Variants in MSS51 observed in about 807,000 individuals in gnomAD.
MSS51 encodes MSS51 mitochondrial translational activator, also known as putative protein MSS51 homolog, mitochondrial.
A neutral mutation model predicts 40.2 loss-of-function variants in MSS51; 32 were observed. That is an observed-to-expected ratio of 0.80 (90% CI 0.60 to 1.07). The LOEUF (loss-of-function observed/expected upper bound fraction) is 1.07. Among genes scored for constraint, MSS51 ranks in the 50% least tolerant of loss-of-function variants. The pLI is 0.00. For synonymous variants in MSS51, 178 were observed against 214.2 expected (o/e 0.83, Z 1.48); for missense variants, 518 against 568.9 (o/e 0.91, Z 0.91).
chr10:73,427,936 G>A (rs1435260143), intron 2 of MSS51, 128 bp downstream of exon 2: 18 of 1,193,686 alleles, frequency 1.5e-5, no homozygotes, highest in Non-Finnish European at 1.9e-5. Flanking sequence ...TATAGTAACT[G>A]GCAAAAGGAT....
chr10:73,426,906 T>C (rs566246528), intron 3 of MSS51, among the ~76,000 whole-genome samples, 175 bp from the exon 4 acceptor site: 1 of 152,084 alleles, frequency 6.6e-6, no homozygotes, highest in African/African-American at 2.4e-5. Context: ...GCAGGAGGGA[T>C]TGGGAATATA....
chr10:73,426,822 T>G, intron 3 of MSS51, 91 bp from the exon 4 acceptor site: 1 of 1,467,748 alleles, frequency 6.8e-7, no homozygotes, highest in Non-Finnish European at 9.3e-7. Context: ...CCTAGGATGG[T>G]GAATGGGTAA....
chr10:73,426,856 G>T, intron 3 of MSS51, 125 bp from the exon 4 acceptor site: 1 of 1,071,292 alleles, frequency 9.3e-7, no homozygotes, highest in Non-Finnish European at 1.3e-6. Flanking sequence ...AGGAATGAGA[G>T]CTGATGCACC....
At chr10:73,425,713 T>C in intron 5 of MSS51, 98 bp downstream of exon 5, 2 of 1,099,358 alleles carry the variant, frequency 1.8e-6, no homozygotes, top group Non-Finnish European at 2.6e-6. Flanking sequence ...ATATTGTGTT[T>C]AATGAGACCA....
At chr10:73,426,573 A>G in intron 4 of MSS51, 34 bp downstream of exon 4, 1 of 1,613,038 alleles carries the variant, frequency 6.2e-7, no homozygotes, top group Admixed American at 1.7e-5. Flanking sequence ...AACTATGACC[A>G]TTATGGCAGA....
In MSS51 at chr10:73,427,781, C is replaced by A; in HGVS notation, c.222-13G>T. The A allele has an allele frequency of 1.2e-6, 2 of 1,612,408 alleles. No homozygotes were observed. The highest frequency in any genetic ancestry group is 4.5e-5 in the East Asian group (2 of 44,846). On this transcript the variant is annotated splice_polypyrimidine_tract_variant and intron_variant, in intron 2 of 6. Coordinates refer to ENST00000299432, the MANE Select transcript of MSS51 (RefSeq NM_001024593.2). ...ATCTACCACCAACCTGCAGAGACAG[C>A]ATGGAGAAGGAATGACAATGGGGAA...
Position 73,424,769 on chromosome 10 carries a change from A to C in MSS51, c.1167T>G (p.His389Gln). The C allele has an allele frequency of 6.2e-7, 1 of 1,611,940 alleles. No homozygotes were observed. The highest frequency in any genetic ancestry group is 8.5e-7 in the Non-Finnish European group (1 of 1,177,958). ...KIPTLITVYS[H>Q]QELVSSLQIL... ...TCTGCAAAGAGGATACCAACTCCTG[A>C]TGGCTGTAGAAGAGAGAGAAGAAAA... Residue 389 changes from histidine (H) to glutamine (Q), a missense_variant, in exon 7 of 7, where the codon CAT becomes CAG. His to Gln is a conservative substitution (Grantham distance 24, BLOSUM62 0). Transcript: ENST00000299432.
At chr10:73,428,559 C>T (rs1337902425) in intron 1 of MSS51, among the ~76,000 whole-genome samples, 1 of 152,084 alleles carries the variant, frequency 6.6e-6, no homozygotes, top group Non-Finnish European at 1.5e-5. Context: ...GCAGCATAAT[C>T]TCAGCTCACT....
At chr10:73,429,230 A>G (rs1000935773) in intron 1 of MSS51, among the ~76,000 whole-genome samples, 17 of 152,158 alleles carry the variant, frequency 1.1e-4, no homozygotes, top group African/African-American at 4.1e-4. Flanking sequence ...AACTGGTAAC[A>G]GTGATTAACT....
At position 73,424,502 on chromosome 10, in the gene MSS51, G is replaced by A. The variant is rs772436748; in HGVS notation, c.*51C>T. The A allele has an allele frequency of 1.7e-5, 23 of 1,374,220 alleles. No homozygotes were observed. In the African/African-American group the frequency reaches 2.9e-4, roughly 17 times the overall value. 85.1% of individuals were successfully genotyped at this position (1,374,220 alleles called of 1,614,324 possible). A position where few individuals can be genotyped will look rare whatever the true frequency, so the allele number is the denominator to read the frequency against. Reference sequence around the variant, plus strand: ...GTTTGCAAGAACCTGGCATTAGCAGGGTAATTTCATCACAAACTCCCCGTT... The same window carrying A: ...GTTTGCAAGAACCTGGCATTAGCAGAGTAATTTCATCACAAACTCCCCGTT... On this transcript the variant is annotated 3_prime_UTR_variant, in exon 7 of 7. Coordinates refer to ENST00000299432, the MANE Select transcript of MSS51 (RefSeq NM_001024593.2).
At chr10:73,431,008 G>A (rs1286173508) in intron 1 of MSS51, among the ~76,000 whole-genome samples, 1 of 152,152 alleles carries the variant, frequency 6.6e-6, no homozygotes. Flanking sequence ...ATTATACTAA[G>A]TGAAGAAAGC....
At chr10:73,433,112 C>A (rs2056041073) in intron 1 of MSS51, among the ~76,000 whole-genome samples, 1 of 152,056 alleles carries the variant, frequency 6.6e-6, no homozygotes, top group African/African-American at 2.4e-5. Context: ...TCTTGATTGC[C>A]TAGAAAAACT....
chr10:73,425,229 T>A, intron 5 of MSS51, 38 bp from the exon 6 acceptor site: 1 of 1,360,392 alleles, frequency 7.4e-7, no homozygotes, highest in Non-Finnish European at 1.0e-6. Flanking sequence ...AGGGAAAGAC[T>A]AAAGCAGACC....
chr10:73,427,272 C>CTTT (rs1163470061), intron 3 of MSS51, among the ~76,000 whole-genome samples: 203 of 86,082 alleles, frequency 2.4e-3, no homozygotes, highest in East Asian at 3.1e-3. Context: ...AAGGTCATTG[C>CTTT]TTTTTTTTTT....
chr10:73,427,791 G>A, intron 2 of MSS51, 23 bp from the exon 3 acceptor site: 1 of 1,610,838 alleles, frequency 6.2e-7, no homozygotes, highest in Non-Finnish European at 8.5e-7. Context: ...CATGGAGAAG[G>A]AATGACAATG....
chr10:73,425,592 G>A (rs1044983099), intron 5 of MSS51, among the ~76,000 whole-genome samples: 8 of 151,486 alleles, frequency 5.3e-5, no homozygotes, highest in Admixed American at 4.6e-4. Context: ...AACCCGGGAG[G>A]TGGAGCTTGC....
At chr10:73,430,657 G>A (rs1445729174) in intron 1 of MSS51, among the ~76,000 whole-genome samples, 5 of 150,798 alleles carry the variant, frequency 3.3e-5, no homozygotes, top group Non-Finnish European at 5.9e-5. Context: ...TTGAACCCTC[G>A]TACACTGCAG....
rs184365692 is a variant in MSS51, at chr10:73,425,269, G to A, written c.1070-78C>T. The A allele has an allele frequency of 4.0e-4, 340 of 857,470 alleles. No individual in the cohort carries two copies. In the African/African-American group the frequency reaches 5.2e-3, roughly 13 times the overall value. The allele number at this position is 857,470 out of a possible 1,614,324, so 53.1% of individuals were successfully genotyped here. A position where few individuals can be genotyped will look rare whatever the true frequency, so the allele number is the denominator to read the frequency against. ...GAGCAAGATATTTCTTTGACTGTGAGCACCCCACCCCTCACCTTGCTTATC... is the reference window on the plus strand; with the variant it reads ...GAGCAAGATATTTCTTTGACTGTGAACACCCCACCCCTCACCTTGCTTATC... On this transcript the variant is annotated intron_variant, in intron 5 of 6. Transcript: ENST00000299432.
Position 73,424,376 on chromosome 10 carries a change from C to T in MSS51, c.*177G>A. 1.7e-6 allele frequency: 1 copy of T among 591,656 alleles called. No individual in the cohort carries two copies. The highest frequency in any genetic ancestry group is 2.9e-5 in the East Asian group (1 of 34,330). The allele number at this position is 591,656 out of a possible 1,614,324, so 36.7% of individuals were successfully genotyped here. A position where few individuals can be genotyped will look rare whatever the true frequency, so the allele number is the denominator to read the frequency against. Reference sequence around the variant, plus strand: ...TGGGCAACAGAGCAAGACTCCATCTCAAAAAAAGAAAGAAACCAGTTATGT... The same window carrying T: ...TGGGCAACAGAGCAAGACTCCATCTTAAAAAAAGAAAGAAACCAGTTATGT... On this transcript the variant is annotated 3_prime_UTR_variant, in exon 7 of 7. Coordinates refer to ENST00000299432, the MANE Select transcript of MSS51 (RefSeq NM_001024593.2).
Sources: allele counts gnomAD v4.1 joint callset (sites outside exome capture counted in the v4.1 genomes callset), GRCh38; gene constraint gnomAD v4.1.1; transcripts MANE v1.5; gene names NCBI Gene and HGNC (gene_info 2026-07-23, HGNC 2026-07-21).